The following ROBO2 variants were observed in gnomAD, a reference collection of about 807,000 sequenced individuals.
ROBO2 encodes roundabout homolog 2.
Under a neutral mutation model 160.8 loss-of-function variants are expected in ROBO2, and 53 were observed. The ratio of observed to expected loss-of-function variants is 0.33; its 90% CI spans 0.26 to 0.41. ROBO2 has a LOEUF of 0.41. Ranked by LOEUF, ROBO2 falls within the 10% of genes least tolerant of loss-of-function variation. The pLI is 1.00. For synonymous variants in ROBO2, 664 were observed against 611.7 expected, an observed-to-expected ratio of 1.09 and a Z score of -1.26; for missense variants, 1,577 against 1,722.4, an observed-to-expected ratio of 0.92 and a Z score of 1.49.
At position 76,288,105 on chromosome 3, in the gene ROBO2, C is replaced by A. The variant is rs185814166; in HGVS notation, c.109+350503C>A. On this transcript the variant is annotated intron_variant, in intron 2 of 26. Transcript: ENST00000487694. ...TCTTAAAATTTGATTTGCTAATCAG[C>A]CCTTGTAATATACACACCTAGTCTT... 3.9e-3 allele frequency among the ~76,000 whole-genome samples: 419 copies of A among 106,396 alleles called. 3 individuals are homozygous for A. The highest frequency in any genetic ancestry group is 0.022 in the African/African-American group (408 of 18,298). The allele number at this position is 106,396 out of a possible 152,430, so 69.8% of individuals were successfully genotyped here.
At chr3:77,443,706 C>T (rs1426501468) in intron 2 of ROBO2, among the ~76,000 whole-genome samples, 1 of 152,012 alleles carries the variant, frequency 6.6e-6, no homozygotes, top group Non-Finnish European at 1.5e-5. Context: ...TTAATCATTT[C>T]TCATATGAGT....
intron 2 of ROBO2, among the ~76,000 whole-genome samples, chr3:76,492,157 T>C (rs13433815): frequency 0.28 from 42,616 of 151,868 alleles, 7,533 homozygotes; most frequent in African/African-American, 0.49. Context: ...CTTAATCTAG[T>C]GTTGTTAGCT....
intron 2 of ROBO2, among the ~76,000 whole-genome samples, chr3:76,050,033 G>A (rs185617948): frequency 5.8e-4 from 89 of 152,290 alleles, no homozygotes; most frequent in Non-Finnish European, 9.9e-4. Context: ...GGTTAATAAT[G>A]AGTGTCAACT....
At chr3:77,355,840 G>A (rs934238283) in intron 2 of ROBO2, among the ~76,000 whole-genome samples, 10 of 151,744 alleles carry the variant, frequency 6.6e-5, no homozygotes, top group Admixed American at 3.9e-4. Context: ...TGTCAGCCAG[G>A]GAGAAACATT....
intron 2 of ROBO2, among the ~76,000 whole-genome samples, chr3:77,379,915 G>A (rs1333438181): frequency 6.6e-6 from 1 of 151,908 alleles, no homozygotes; most frequent in African/African-American, 2.4e-5. Flanking sequence ...TCAGTTGTTA[G>A]CTTTCACCCT....
intron 2 of ROBO2, 81 bp from the exon 3 acceptor site, chr3:77,477,333 A>C: frequency 7.1e-7 from 1 of 1,412,258 alleles, no homozygotes; most frequent in East Asian, 2.3e-5. Context: ...CAAGGTAAAC[A>C]AGACTTGAAG....
intron 2 of ROBO2, among the ~76,000 whole-genome samples, chr3:76,813,821 G>A (rs78004963): frequency 6.6e-6 from 1 of 152,170 alleles, no homozygotes; most frequent in African/African-American, 2.4e-5. Flanking sequence ...AGTTCTTGAT[G>A]AGAAAGCTAT....
chr3:76,736,952 C>T (rs151076160), intron 2 of ROBO2, among the ~76,000 whole-genome samples: 1,928 of 152,296 alleles, frequency 0.013, 37 homozygotes, highest in South Asian at 0.067. Flanking sequence ...TTCATTGTTA[C>T]AGCATACTCT....
At chr3:77,203,022 G>GC (rs1271638895) in intron 2 of ROBO2, among the ~76,000 whole-genome samples, 2 of 152,208 alleles carry the variant, frequency 1.3e-5, no homozygotes, top group African/African-American at 4.8e-5. Flanking sequence ...GGATTGGTTG[G>GC]CAGCAGAGAG....
intron 2 of ROBO2, among the ~76,000 whole-genome samples, chr3:76,352,682 C>CT (rs1272558069): frequency 6.6e-6 from 1 of 151,850 alleles, no homozygotes; most frequent in East Asian, 1.9e-4. Flanking sequence ...ATGAAGCGGC[C>CT]TTTATGTGCA....
intron 2 of ROBO2, among the ~76,000 whole-genome samples, chr3:76,568,920 G>A (rs2084779689): frequency 6.6e-6 from 1 of 152,110 alleles, no homozygotes. Context: ...AACTAAATCT[G>A]CAACTAAATA....
At chr3:76,478,650 A>G (rs1271040547) in intron 2 of ROBO2, among the ~76,000 whole-genome samples, 1 of 149,944 alleles carries the variant, frequency 6.7e-6, no homozygotes, top group Non-Finnish European at 1.5e-5. Flanking sequence ...ACTAACCAAC[A>G]TTTATCCAAC....
chr3:76,404,758 G>A (rs906493825), intron 2 of ROBO2, among the ~76,000 whole-genome samples: 8 of 151,534 alleles, frequency 5.3e-5, no homozygotes, highest in African/African-American at 1.7e-4. Context: ...ATTGAAGAGT[G>A]AGGGAAAGAA....
At chr3:76,941,536 T>C (rs1214739516) in intron 2 of ROBO2, among the ~76,000 whole-genome samples, 4 of 152,316 alleles carry the variant, frequency 2.6e-5, no homozygotes, top group Admixed American at 2.6e-4. Context: ...TTCTGCCAAA[T>C]TATTTTAAAA....
chr3:76,355,483 A>G (rs986222258), intron 2 of ROBO2, among the ~76,000 whole-genome samples: 3 of 151,800 alleles, frequency 2.0e-5, no homozygotes, highest in Admixed American at 1.3e-4. Context: ...TGTGAATATC[A>G]GGATGAGAAT....
chr3:76,850,092 C>A (rs535298749), intron 2 of ROBO2, among the ~76,000 whole-genome samples: 26 of 152,182 alleles, frequency 1.7e-4, no homozygotes, highest in African/African-American at 6.0e-4. Context: ...GAGGCTGAGG[C>A]AGGAGAATCA....
chr3:76,425,350 G>A (rs1392304002), intron 2 of ROBO2, among the ~76,000 whole-genome samples: 1 of 151,894 alleles, frequency 6.6e-6, no homozygotes, highest in Non-Finnish European at 1.5e-5. Context: ...ATTTAACTGG[G>A]CACCTTTGTA....
At chr3:76,900,643 C>G (rs1257006283) in intron 2 of ROBO2, among the ~76,000 whole-genome samples, 1 of 152,084 alleles carries the variant, frequency 6.6e-6, no homozygotes, top group Non-Finnish European at 1.5e-5. Flanking sequence ...CGCTGCTAGA[C>G]GATATGTAAA....
intron 2 of ROBO2, among the ~76,000 whole-genome samples, chr3:76,242,736 T>A (rs1293562683): frequency 6.6e-6 from 1 of 151,864 alleles, no homozygotes; most frequent in East Asian, 2.0e-4. Flanking sequence ...ATATAAAAAA[T>A]TGGCAAGACA....
Sources: gnomAD v4.1 joint callset for allele counts (sites outside exome capture counted in the v4.1 genomes callset) on GRCh38, gnomAD v4.1.1 for gene constraint, MANE v1.5 for transcripts, NCBI Gene and HGNC (gene_info 2026-07-23, HGNC 2026-07-21) for gene names.